Variants in SDK1 observed in about 807,000 individuals in gnomAD.
The protein encoded by SDK1 is sidekick cell adhesion molecule 1, also known as protein sidekick-1.
In SDK1, 157 loss-of-function variants were observed where a neutral mutation model predicts 245.5. The ratio of observed to expected loss-of-function variants is 0.64; its 90% CI spans 0.56 to 0.73. The LOEUF is 0.73. Among genes scored for constraint, SDK1 ranks in the 30% least tolerant of loss-of-function variants. SDK1 has a pLI of 0.00. For missense variants in SDK1, 3,583 were observed against 3,002.3 expected (o/e 1.19, Z -4.52); for synonymous variants, 1,647 against 1,278.5 (o/e 1.29, Z -6.15).
chr7:3,403,824 CAT>C (rs10650660), intron 1 of SDK1, among the ~76,000 whole-genome samples: 3,663 of 59,734 alleles, frequency 0.061, 76 homozygotes, highest in Non-Finnish European at 0.088. Context: ...AAATATCTTA[CAT>C]ATATATATAT....
At chr7:4,136,941 CG>C (rs1779135319) in intron 28 of SDK1, among the ~76,000 whole-genome samples, 1 of 152,228 alleles carries the variant, frequency 6.6e-6, no homozygotes, top group Non-Finnish European at 1.5e-5. Context: ...CCAGCGTGGG[CG>C]TCCTGGGGCG....
chr7:3,781,534 C>A (rs572850008), intron 4 of SDK1, among the ~76,000 whole-genome samples: 4 of 152,176 alleles, frequency 2.6e-5, no homozygotes, highest in African/African-American at 9.6e-5. Flanking sequence ...AATCATGACA[C>A]CTGCAAAGAA....
chr7:3,732,932 C>T (rs1347238443), intron 4 of SDK1, among the ~76,000 whole-genome samples: 1 of 152,118 alleles, frequency 6.6e-6, no homozygotes, highest in East Asian at 1.9e-4. Context: ...GGAAGTTATC[C>T]TGGAGTCTAG....
chr7:3,866,138 C>T (rs191643305), intron 5 of SDK1, among the ~76,000 whole-genome samples: 3 of 152,274 alleles, frequency 2.0e-5, no homozygotes, highest in African/African-American at 4.8e-5. Flanking sequence ...CCTTTCAGTT[C>T]TTGGGAGGCT....
chr7:3,502,390 C>G (rs1261196538), intron 1 of SDK1, among the ~76,000 whole-genome samples: 1 of 152,142 alleles, frequency 6.6e-6, no homozygotes, highest in Non-Finnish European at 1.5e-5. Flanking sequence ...GGTGGGATTA[C>G]AGGTGCCTAC....
In SDK1 at chr7:3,444,816, T is replaced by A. The variant is rs576971928; in HGVS notation, c.298+142932T>A. Among the ~76,000 whole-genome samples, 14 of 152,330 alleles carry A rather than the reference T, an allele frequency of 9.2e-5. No homozygotes were observed. The South Asian group carries it at 2.9e-3, about 32-fold the overall frequency. ...GCACAGATGACTTTTTAAAATCTCC[T>A]GCAAATGTGATCCCCTTTAGAGCCC... On this transcript the variant is annotated intron_variant, in intron 1 of 44. Transcript: ENST00000404826.
At chr7:3,968,225 A>G (rs1233397469) in intron 10 of SDK1, among the ~76,000 whole-genome samples, 5 of 152,156 alleles carry the variant, frequency 3.3e-5, no homozygotes, top group Admixed American at 6.5e-5. Context: ...TCAACCTGGG[A>G]CGCTTCAGCC....
At chr7:4,153,912 C>G (rs1780556221) in intron 30 of SDK1, among the ~76,000 whole-genome samples, 1 of 151,960 alleles carries the variant, frequency 6.6e-6, no homozygotes, top group Admixed American at 6.6e-5. Flanking sequence ...AACTCCTGGC[C>G]TCAAGTGATC....
At chr7:4,224,313 A>G (rs1040228791) in intron 40 of SDK1, among the ~76,000 whole-genome samples, 4 of 152,266 alleles carry the variant, frequency 2.6e-5, no homozygotes, top group African/African-American at 7.2e-5. Flanking sequence ...TCATGGGGAG[A>G]CCCCAGGAAG....
intron 4 of SDK1, among the ~76,000 whole-genome samples, chr7:3,696,607 C>T (rs1021308140): frequency 1.1e-4 from 15 of 137,860 alleles, no homozygotes; most frequent in Admixed American, 8.3e-4. Flanking sequence ...TGTGTTGTTA[C>T]CTACATTTAA....
intron 1 of SDK1, among the ~76,000 whole-genome samples, chr7:3,612,341 C>G (rs1281167605): frequency 1.3e-5 from 2 of 152,198 alleles, no homozygotes; most frequent in Admixed American, 6.5e-5. Context: ...ATCTAGTTAT[C>G]TATTTAAACC....
At chr7:3,617,149 T>C (rs765366055) in intron 1 of SDK1, among the ~76,000 whole-genome samples, 5 of 152,184 alleles carry the variant, frequency 3.3e-5, no homozygotes, top group African/African-American at 1.2e-4. Context: ...TTAATATATA[T>C]ATAAGGCATT....
At chr7:3,452,580 C>G (rs931939198) in intron 1 of SDK1, among the ~76,000 whole-genome samples, 2 of 152,156 alleles carry the variant, frequency 1.3e-5, no homozygotes, top group African/African-American at 4.8e-5. Flanking sequence ...TTTGTGTACA[C>G]TTTCATACTA....
chr7:3,560,839 T>C (rs1224658425), intron 1 of SDK1, among the ~76,000 whole-genome samples: 1 of 152,200 alleles, frequency 6.6e-6, no homozygotes, highest in Non-Finnish European at 1.5e-5. Context: ...GAGTTGCTGC[T>C]GCTTCTGGGG....
chr7:3,913,652 T>C (rs1027203815), intron 5 of SDK1, among the ~76,000 whole-genome samples: 2 of 152,174 alleles, frequency 1.3e-5, no homozygotes, highest in African/African-American at 4.8e-5. Context: ...GTTAGTGCTC[T>C]GGTAACATCC....
intron 5 of SDK1, among the ~76,000 whole-genome samples, chr7:3,949,432 TTC>T (rs1358316424): frequency 6.6e-6 from 1 of 152,218 alleles, no homozygotes; most frequent in African/African-American, 2.4e-5. Context: ...TTTCCCGTTG[TTC>T]TCTCTCCGCG....
intron 4 of SDK1, among the ~76,000 whole-genome samples, chr7:3,795,859 C>T (rs1006175574): frequency 3.3e-5 from 5 of 152,132 alleles, no homozygotes; most frequent in African/African-American, 4.8e-5. Context: ...ACTGATTTTG[C>T]TCAGAATAAT....
chr7:3,517,743 C>T (rs907299084), intron 1 of SDK1, among the ~76,000 whole-genome samples: 2 of 152,128 alleles, frequency 1.3e-5, no homozygotes, highest in African/African-American at 4.8e-5. Context: ...ATTGTATTGC[C>T]ACTAGTGCTT....
rs551750310 is a variant in SDK1 at position 3,422,169 on chromosome 7, G to A, written c.298+120285G>A. On this transcript the variant is annotated intron_variant, in intron 1 of 44. Transcript: ENST00000404826. The stretch of plus-strand genomic sequence containing the variant: ...TCTGTATCCAATTAGAATAAAACTT[G>A]TTACCTTCAAGTGGAATGAATCAAA... Among the ~76,000 whole-genome samples the A allele has an allele frequency of 2.0e-5, 3 of 152,166 alleles. 1 individual carries two copies. The highest frequency in any genetic ancestry group is 4.2e-4 in the South Asian group (2 of 4,814).
Sources: gnomAD v4.1 joint callset for allele counts (sites outside exome capture counted in the v4.1 genomes callset) on GRCh38, gnomAD v4.1.1 for gene constraint, MANE v1.5 for transcripts, NCBI Gene and HGNC (gene_info 2026-07-23, HGNC 2026-07-21) for gene names.